Variants in CWF19L2 observed in about 807,000 individuals in gnomAD.
CWF19L2 encodes CWF19 like cell cycle control factor 2, also known as CWF19-like protein 2.
Under a neutral mutation model 111.7 loss-of-function variants are expected in CWF19L2, and 98 were observed. The ratio of observed to expected loss-of-function variants is 0.88; its 90% CI spans 0.75 to 1.04. The LOEUF is 1.04. Among genes scored for constraint, CWF19L2 ranks in the 50% least tolerant of loss-of-function variants. The pLI, the probability that CWF19L2 is intolerant of heterozygous loss-of-function variation, is 0.00. For missense variants in CWF19L2, 1,101 were observed against 1,051.4 expected, an observed-to-expected ratio of 1.05 and a Z score of -0.65; for synonymous variants, 351 against 342.9, an observed-to-expected ratio of 1.02 and a Z score of -0.26.
chr11:107,456,759 C>G lies in CWF19L2; in HGVS notation c.105+953G>C, dbSNP rs1861861418. On this transcript the variant is annotated intron_variant, in intron 1 of 17. Coordinates refer to ENST00000282251, the MANE Select transcript of CWF19L2 (RefSeq NM_152434.3). Reference sequence around the variant, plus strand: ...CTTGGTGTAGGCAAGAAGATGAATACAATGGTTATATACCAAACAGAAAAA... The same window carrying G: ...CTTGGTGTAGGCAAGAAGATGAATAGAATGGTTATATACCAAACAGAAAAA... 2.0e-5 allele frequency among the ~76,000 whole-genome samples: 3 copies of G among 152,076 alleles called. No individual in the cohort carries two copies. In the South Asian group the frequency reaches 6.2e-4, roughly 32 times the overall value.
intron 8 of CWF19L2, among the ~76,000 whole-genome samples, chr11:107,423,378 G>A (rs1225554087): frequency 6.6e-6 from 1 of 151,848 alleles, no homozygotes. Flanking sequence ...TTACATGTAT[G>A]TATAACACAA....
chr11:107,402,905 T>TATATATATATATATA (rs2135386285), intron 10 of CWF19L2, among the ~76,000 whole-genome samples: 1 of 71,054 alleles, frequency 1.4e-5, no homozygotes, highest in East Asian at 3.3e-4. Flanking sequence ...ATATATATAA[T>TATATATATATATATA]GGAATACTAT....
In CWF19L2 at chr11:107,418,279, T is replaced by C; in HGVS notation, c.1442A>G (p.Glu481Gly). ...DTKSTFAGSP[E>G]RESIHILSVD... ...ACTCAGGATGTGAATGGACTCACGCTCTGGACTGCTATTGGAATAGGAAAG... is the reference window on the plus strand; with the variant it reads ...ACTCAGGATGTGAATGGACTCACGCCCTGGACTGCTATTGGAATAGGAAAG... Residue 481 changes from glutamate to glycine, a missense_variant, in exon 9 of 18, where the codon GAG (glutamate) becomes GGG (glycine). By Grantham distance (98) the Glu-to-Gly change is moderately conservative (BLOSUM62 -2). Transcript: ENST00000282251. The C allele has an allele frequency of 6.2e-7, 1 of 1,608,688 alleles. No individual in the cohort carries two copies. Among genetic ancestry groups the C allele is most frequent in the East Asian group, 2.2e-5 (1 of 44,842 alleles).
intron 12 of CWF19L2, among the ~76,000 whole-genome samples, chr11:107,360,564 G>A (rs535664202): frequency 2.3e-4 from 35 of 152,216 alleles, no homozygotes; most frequent in Non-Finnish European, 3.7e-4. Flanking sequence ...TCTCCATACC[G>A]TTTTCCATAG....
At chr11:107,403,174 G>A (rs1290613635) in intron 10 of CWF19L2, among the ~76,000 whole-genome samples, 2 of 150,910 alleles carry the variant, frequency 1.3e-5, no homozygotes, top group Non-Finnish European at 2.9e-5. Context: ...TGAGTGATGG[G>A]TGCACAAAAT....
At chr11:107,378,612 T>G (rs1011530826) in intron 12 of CWF19L2, among the ~76,000 whole-genome samples, 5 of 152,016 alleles carry the variant, frequency 3.3e-5, no homozygotes, top group Non-Finnish European at 7.4e-5. Context: ...TTCTGGGGAC[T>G]GTTGTGGGGT....
chr11:107,416,427 A>G (rs1379459916), intron 9 of CWF19L2, 129 bp from the exon 10 acceptor site: 2 of 380,704 alleles, frequency 5.3e-6, no homozygotes, highest in Non-Finnish European at 4.6e-6. Flanking sequence ...TCTAATTTCA[A>G]TTACCAACCC....
chr11:107,328,887 T>C (rs796366941), intron 17 of CWF19L2, among the ~76,000 whole-genome samples: 10 of 152,188 alleles, frequency 6.6e-5, no homozygotes, highest in Middle Eastern at 3.2e-3. Flanking sequence ...CTGTAATATG[T>C]TATAACAGTT....
chr11:107,378,842 T>C (rs1860636792), intron 12 of CWF19L2, among the ~76,000 whole-genome samples: 1 of 141,078 alleles, frequency 7.1e-6, no homozygotes, highest in Non-Finnish European at 1.6e-5. Context: ...ATATATATTG[T>C]AACAAAAAAA....
At chr11:107,429,585 T>C in intron 7 of CWF19L2, 134 bp from the exon 8 acceptor site, 3 of 617,980 alleles carry the variant, frequency 4.9e-6, no homozygotes, top group South Asian at 4.6e-5. Context: ...AGAAGACCCA[T>C]ACAATCATCC....
At chr11:107,425,050 T>C (rs1296306026) in intron 8 of CWF19L2, among the ~76,000 whole-genome samples, 2 of 151,746 alleles carry the variant, frequency 1.3e-5, no homozygotes, top group African/African-American at 4.8e-5. Flanking sequence ...CCTGCAATTA[T>C]CCTGCAAAAA....
Position 107,348,975 on chromosome 11 carries a change from C to G in CWF19L2, c.2164G>C (p.Ala722Pro). Reference protein sequence around the residue: ...LIVPLQHHRAATLLDEDIWEE... With the variant: ...LIVPLQHHRAPTLLDEDIWEE... ...CAGATGTCTTCATCCAACAAAGTAG[C>G]TGCTCTATGGTGCTGCAAAGGGACT... The change falls in exon 14 of 18, where the codon GCT becomes CCT. Residue 722 changes from alanine (A) to proline (P), a missense_variant. Physicochemically the swap from Ala to Pro is conservative, Grantham distance 27. Coordinates refer to ENST00000282251, the MANE Select transcript of CWF19L2 (RefSeq NM_152434.3). 6.2e-7 allele frequency: 1 copy of G among 1,609,962 alleles called. No homozygotes were observed. The highest frequency in any genetic ancestry group is 8.5e-7 in the Non-Finnish European group (1 of 1,177,388).
rs2135409131 is a variant in CWF19L2, at chr11:107,429,126, A to C, written c.1106T>G (p.Leu369Trp). The change falls in exon 8 of 18, where the codon TTG (leucine) becomes TGG (tryptophan). Residue 369 changes from leucine to tryptophan, a missense_variant. Leu to Trp is a moderately conservative substitution (Grantham distance 61, BLOSUM62 -2). Transcript: ENST00000282251. ...CAGTTCTTCATCATCAGAGGGTCTCAAGAATTTAGCTCTCAAATTGCCAAA... is the reference window on the plus strand; with the variant it reads ...CAGTTCTTCATCATCAGAGGGTCTCCAGAATTTAGCTCTCAAATTGCCAAA... ...FSFGNLRAKFLRPSDDEELSF... is the reference protein window; with the variant it reads ...FSFGNLRAKFWRPSDDEELSF... 6.2e-7 allele frequency: 1 copy of C among 1,613,792 alleles called. No individual in the cohort carries two copies. Among genetic ancestry groups the C allele is most frequent in the East Asian group, 2.2e-5 (1 of 44,864 alleles).
Position 107,428,925 on chromosome 11 carries a change from G to C in CWF19L2, c.1307C>G (p.Ser436Trp). The change falls in exon 8 of 18, where the codon TCG becomes TGG. Residue 436 changes from serine to tryptophan, a missense_variant. Coordinates refer to ENST00000282251, the MANE Select transcript of CWF19L2 (RefSeq NM_152434.3). ...TTGGTGTTCATCAGTACTGGTTTCC[G>C]ATGGCTTTTGATTTGAATGTTTCTT... is the stretch of plus-strand genomic sequence containing the variant. ...GDKKHSNQKP[S>W]ETSTDEHQHV... 2 of 1,613,584 alleles carry C rather than the reference G, an allele frequency of 1.2e-6. No homozygotes were observed. Among genetic ancestry groups the C allele is most frequent in the Admixed American group, 3.3e-5 (2 of 59,952 alleles).
chr11:107,336,618 C>A lies in CWF19L2; in HGVS notation c.2298G>T (p.Met766Ile), dbSNP rs556191517. The A allele has an allele frequency of 5.6e-6, 9 of 1,606,142 alleles. No individual in the cohort carries two copies. Among genetic ancestry groups the A allele is most frequent in the Non-Finnish European group, 7.7e-6 (9 of 1,176,344 alleles). The change falls in exon 15 of 18, where the codon ATG becomes ATT. Residue 766 changes from methionine to isoleucine, a missense_variant. Met to Ile is a conservative substitution (Grantham distance 10, BLOSUM62 1). Coordinates refer to ENST00000282251, the MANE Select transcript of CWF19L2 (RefSeq NM_152434.3). ...TNMSMKKQYH[M>I]VYECIPLPKE... ...TGGGAAGAGGAATACATTCATAAACCATGTGATACTGTTTCTTCATGCTCA... is the reference window on the plus strand; with the variant it reads ...TGGGAAGAGGAATACATTCATAAACAATGTGATACTGTTTCTTCATGCTCA...
At chr11:107,347,015 C>G (rs1232150644) in intron 14 of CWF19L2, among the ~76,000 whole-genome samples, 1 of 152,196 alleles carries the variant, frequency 6.6e-6, no homozygotes, top group Non-Finnish European at 1.5e-5. Context: ...TTTTCCCCAC[C>G]TACCAACTTG....
intron 10 of CWF19L2, among the ~76,000 whole-genome samples, chr11:107,413,995 C>T (rs1349805207): frequency 1.3e-5 from 2 of 152,130 alleles, no homozygotes; most frequent in African/African-American, 4.8e-5. Flanking sequence ...CATGTAAAAA[C>T]AAGTACTTTT....
chr11:107,414,102 AATGACATGG>A (rs1380940626), intron 10 of CWF19L2, among the ~76,000 whole-genome samples: 1 of 152,182 alleles, frequency 6.6e-6, no homozygotes, highest in Non-Finnish European at 1.5e-5. Context: ...AAACTGTAAT[AATGACATGG>A]ACTACCTCAA....
chr11:107,397,313 C>T (rs983578008), intron 10 of CWF19L2, among the ~76,000 whole-genome samples: 3 of 152,144 alleles, frequency 2.0e-5, no homozygotes, highest in Non-Finnish European at 4.4e-5. Context: ...ACAGACTCCA[C>T]GCTGTTGGTG....
Sources: allele counts gnomAD v4.1 joint callset (sites outside exome capture counted in the v4.1 genomes callset), GRCh38; gene constraint gnomAD v4.1.1; transcripts MANE v1.5; gene names NCBI Gene and HGNC (gene_info 2026-07-23, HGNC 2026-07-21).